CRYZL1: variants seen among roughly 807,000 people sequenced by gnomAD.
CRYZL1 encodes crystallin zeta like 1, also known as ferry endosomal RAB5 effector complex subunit 4.
Under a neutral mutation model 50.6 loss-of-function variants are expected in CRYZL1, and 34 were observed. That is an observed-to-expected ratio of 0.67 (90% CI 0.51 to 0.89). The LOEUF (loss-of-function observed/expected upper bound fraction) is 0.89, where lower values mean the gene tolerates loss of function less well. Ranked by LOEUF, CRYZL1 falls within the 40% of genes least tolerant of loss-of-function variation. The pLI is 0.00. For missense variants in CRYZL1, 354 were observed against 402.3 expected (o/e 0.88, Z 1.03); for synonymous variants, 125 against 134.3 (o/e 0.93, Z 0.48).
At chr21:33,634,353 C>T (rs536648283) in intron 1 of CRYZL1, among the ~76,000 whole-genome samples, 140 of 152,268 alleles carry the variant, frequency 9.2e-4, no homozygotes, top group Middle Eastern at 3.4e-3. Context: ...TATGACTTTA[C>T]ATCATATGGT....
chr21:33,597,078 C>A (rs1224866768), intron 10 of CRYZL1, among the ~76,000 whole-genome samples: 1 of 151,840 alleles, frequency 6.6e-6, no homozygotes, highest in Non-Finnish European at 1.5e-5. Flanking sequence ...CCATGTTGGC[C>A]AGGCTGGTCT....
chr21:33,609,572 A>G (rs545454904), intron 6 of CRYZL1, among the ~76,000 whole-genome samples: 1 of 151,874 alleles, frequency 6.6e-6, no homozygotes, highest in East Asian at 1.9e-4. Context: ...TTGGCCTCCC[A>G]AAGTGCTGGG....
intron 6 of CRYZL1, among the ~76,000 whole-genome samples, chr21:33,609,904 C>G (rs2086852566): frequency 6.6e-6 from 1 of 150,756 alleles, no homozygotes; most frequent in Admixed American, 6.6e-5. Context: ...GGGGGTTTCA[C>G]TGTGTTAGCC....
intron 5 of CRYZL1, among the ~76,000 whole-genome samples, chr21:33,614,171 C>CAAAA (rs1174565593): frequency 2.0e-5 from 2 of 98,212 alleles, no homozygotes; most frequent in Non-Finnish European, 2.1e-5. Context: ...GACTCTGTGT[C>CAAAA]AAAAAAAAAA....
intron 2 of CRYZL1, among the ~76,000 whole-genome samples, chr21:33,629,085 G>A (rs1357512465): frequency 6.6e-6 from 1 of 150,790 alleles, no homozygotes; most frequent in Non-Finnish European, 1.5e-5. Flanking sequence ...AAAAAAGTTA[G>A]TCAGACAGAC....
chr21:33,594,811 A>AT (rs35496899), intron 11 of CRYZL1: 33,809 of 152,072 alleles, frequency 0.22, 4,437 homozygotes, highest in Non-Finnish European at 0.29. Context: ...CCCGGCCTAC[A>AT]TAACTACCTT....
intron 11 of CRYZL1, among the ~76,000 whole-genome samples, chr21:33,594,013 A>C (rs2086669481): frequency 6.7e-6 from 1 of 150,368 alleles, no homozygotes; most frequent in African/African-American, 2.4e-5. Flanking sequence ...AAAAAAAATC[A>C]AAACTAATAG....
intron 11 of CRYZL1, chr21:33,591,723 A>C (rs1032547208): frequency 6.5e-6 from 1 of 152,994 alleles, no homozygotes; most frequent in Non-Finnish European, 1.5e-5. Context: ...ACCCCCATGA[A>C]GACCAAAATC....
chr21:33,618,410 G>C (rs117125027), intron 4 of CRYZL1, among the ~76,000 whole-genome samples: 4,584 of 152,240 alleles, frequency 0.03, 96 homozygotes, highest in Non-Finnish European at 0.047. Flanking sequence ...AAGAGGAAAG[G>C]GGAGGAAAAA....
chr21:33,595,683 C>T (rs2086686451), intron 11 of CRYZL1, 48 bp downstream of exon 11: 1 of 1,608,132 alleles, frequency 6.2e-7, no homozygotes, highest in Non-Finnish European at 8.5e-7. Context: ...GAACTTAGTA[C>T]AGTACAAAGT....
chr21:33,615,016 C>T (rs1341985697), intron 5 of CRYZL1, among the ~76,000 whole-genome samples: 1 of 152,158 alleles, frequency 6.6e-6, no homozygotes, highest in Non-Finnish European at 1.5e-5. Flanking sequence ...ATCAATTCTC[C>T]AGGATAATGC....
intron 1 of CRYZL1, among the ~76,000 whole-genome samples, chr21:33,637,811 A>G (rs1173772895): frequency 6.7e-6 from 1 of 150,356 alleles, no homozygotes; most frequent in African/African-American, 2.4e-5. Context: ...ACATATAAAC[A>G]GCTAGACAAG....
chr21:33,614,745 T>G (rs1569087996), intron 5 of CRYZL1, among the ~76,000 whole-genome samples: 1 of 152,096 alleles, frequency 6.6e-6, no homozygotes, highest in Non-Finnish European at 1.5e-5. Flanking sequence ...CTAATCTTTG[T>G]ATTATTAGTA....
At chr21:33,597,480 A>AACAAGTTCTTATTTATTTAGAG (rs2086707209) in intron 9 of CRYZL1, 79 bp from the exon 10 acceptor site, 2 of 1,146,510 alleles carry the variant, frequency 1.7e-6, no homozygotes, top group Admixed American at 4.0e-5. Context: ...TTATTCTTCA[A>AACAAGTTCTTATTTATTTAGAG]ACAAGTTCTT....
At chr21:33,640,207 T>C (rs1601356751) in intron 1 of CRYZL1, 1 of 1,547,772 alleles carries the variant, frequency 6.5e-7, no homozygotes, top group Non-Finnish European at 8.7e-7. Flanking sequence ...AGAGCATAGT[T>C]AATCTTAGAA....
chr21:33,615,517 G>T (rs1194382718), intron 5 of CRYZL1, among the ~76,000 whole-genome samples: 1 of 151,976 alleles, frequency 6.6e-6, no homozygotes, highest in Non-Finnish European at 1.5e-5. Flanking sequence ...CTTCCACAGA[G>T]AAATGAAAAT....
intron 11 of CRYZL1, among the ~76,000 whole-genome samples, chr21:33,592,572 T>C (rs1005881699): frequency 6.6e-6 from 1 of 152,206 alleles, no homozygotes; most frequent in African/African-American, 2.4e-5. Flanking sequence ...GCTAATTTAA[T>C]TGAAATTATA....
rs757667570 is a variant in CRYZL1 at position 33,613,618 on chromosome 21, A to C, written c.263-12T>G. On this transcript the variant is annotated splice_polypyrimidine_tract_variant and intron_variant, in intron 5 of 12. Transcript: ENST00000381554. ...CAGGGGCAAAATTCCTAAAAATCAA[A>C]ACAAGAAATTAAAGGGATGTAAGTC... 2.5e-6 allele frequency: 4 copies of C among 1,600,102 alleles called. No homozygotes were observed. The highest frequency in any genetic ancestry group is 1.7e-5 in the Admixed American group (1 of 59,834).
At chr21:33,601,429 T>A (rs539618851) in intron 8 of CRYZL1, among the ~76,000 whole-genome samples, 7 of 152,118 alleles carry the variant, frequency 4.6e-5, no homozygotes, top group Non-Finnish European at 7.4e-5. Flanking sequence ...ACTAGGTGTA[T>A]ATCCTTGGAG....
Sources: allele counts gnomAD v4.1 joint callset (sites outside exome capture counted in the v4.1 genomes callset), GRCh38; gene constraint gnomAD v4.1.1; transcripts MANE v1.5; gene names NCBI Gene and HGNC (gene_info 2026-07-23, HGNC 2026-07-21).